CACNA1D: variants seen among roughly 807,000 people sequenced by gnomAD.
CACNA1D encodes the protein calcium voltage-gated channel subunit alpha1 D, also known as voltage-dependent L-type calcium channel subunit alpha-1D.
Under a neutral mutation model 257.1 loss-of-function variants are expected in CACNA1D, and 55 were observed. The observed-to-expected ratio is 0.21, with a 90% confidence interval of 0.17 to 0.27. The LOEUF is 0.27. CACNA1D is among the 10% of genes least tolerant of loss of function. The probability of loss-of-function intolerance (pLI) is 1.00; values close to 1 mark genes in which losing one functional copy is unlikely to be tolerated. For missense variants in CACNA1D, 1,876 were observed against 2,784.0 expected, an observed-to-expected ratio of 0.67 and a Z score of 7.34; for synonymous variants, 980 against 1,014.9, an observed-to-expected ratio of 0.97 and a Z score of 0.65.
chr3:53,572,800 C>A (rs1181277315), intron 3 of CACNA1D, among the ~76,000 whole-genome samples: 1 of 152,194 alleles, frequency 6.6e-6, no homozygotes, highest in Non-Finnish European at 1.5e-5. Flanking sequence ...AGTCTCTTCT[C>A]CACACAGTCT....
intron 29 of CACNA1D, among the ~76,000 whole-genome samples, chr3:53,756,216 GT>G (rs2095264032): frequency 6.6e-6 from 1 of 152,226 alleles, no homozygotes; most frequent in Non-Finnish European, 1.5e-5. Flanking sequence ...GTTAAAGAAA[GT>G]TGAGAAATCT....
At chr3:53,635,839 G>T (rs1231748744) in intron 3 of CACNA1D, among the ~76,000 whole-genome samples, 1 of 152,098 alleles carries the variant, frequency 6.6e-6, no homozygotes, top group Non-Finnish European at 1.5e-5. Flanking sequence ...CGTAGAGATC[G>T]CTGCCTCCCA....
intron 3 of CACNA1D, among the ~76,000 whole-genome samples, chr3:53,520,790 T>C (rs2091524359): frequency 1.3e-5 from 2 of 152,002 alleles, no homozygotes; most frequent in Non-Finnish European, 2.9e-5. Context: ...TATTGGTTTA[T>C]AAGACTTCTT....
chr3:53,720,043 A>G lies in CACNA1D; in HGVS notation c.1505+262A>G, dbSNP rs1218369586. On this transcript the variant is annotated intron_variant, in intron 11 of 47. Coordinates refer to ENST00000350061, the MANE Select transcript of CACNA1D (RefSeq NM_001128840.3). ...ATTAATCCTCCTTATCCTCTGAGTC[A>G]TTTTCCTAAGAGAGCTGCTGCTTGT... 2.0e-5 allele frequency among the ~76,000 whole-genome samples: 3 copies of G among 152,128 alleles called. No individual in the cohort carries two copies. In the East Asian group the frequency reaches 5.8e-4, roughly 29 times the overall value.
intron 26 of CACNA1D, among the ~76,000 whole-genome samples, chr3:53,748,594 T>C (rs917035229): frequency 3.4e-4 from 52 of 152,316 alleles, no homozygotes; most frequent in African/African-American, 1.2e-3. Flanking sequence ...GCTCAACTCC[T>C]GGCTCTGCCC....
At chr3:53,640,140 C>G (rs772478868) in intron 3 of CACNA1D, among the ~76,000 whole-genome samples, 8 of 152,174 alleles carry the variant, frequency 5.3e-5, no homozygotes, top group Admixed American at 2.6e-4. Context: ...GGGTTTACAG[C>G]CGTGAGCCAC....
chr3:53,766,972 A>C (rs2095335867), intron 30 of CACNA1D, among the ~76,000 whole-genome samples: 1 of 152,136 alleles, frequency 6.6e-6, no homozygotes, highest in South Asian at 2.1e-4. Flanking sequence ...TTCCAGCTCC[A>C]CCAGTTCCCT....
At chr3:53,733,974 GTA>G (rs1192459330) in intron 19 of CACNA1D, among the ~76,000 whole-genome samples, 11 of 132,000 alleles carry the variant, frequency 8.3e-5, no homozygotes, top group East Asian at 2.2e-4. Context: ...GTATGTATAT[GTA>G]TATATATATA....
chr3:53,564,111 T>C (rs184392091), intron 3 of CACNA1D, among the ~76,000 whole-genome samples: 1 of 152,324 alleles, frequency 6.6e-6, no homozygotes, highest in East Asian at 1.9e-4. Flanking sequence ...TATAGCCATT[T>C]AGTTTTCCCT....
chr3:53,505,991 A>G (rs957819032), intron 3 of CACNA1D, among the ~76,000 whole-genome samples: 1 of 152,154 alleles, frequency 6.6e-6, no homozygotes, highest in Non-Finnish European at 1.5e-5. Context: ...TTGTATCTGC[A>G]TGGTCACGTA....
In CACNA1D at chr3:53,751,710, T is replaced by C. The variant is rs762884976; in HGVS notation, c.3517-39T>C. ...CCACGGGGTCCTCCTTCCCTGCAAG[T>C]GCTCAGAACCCCGTTTCTGCCCTTT... On this transcript the variant is annotated intron_variant, in intron 27 of 47. Coordinates refer to ENST00000350061, the MANE Select transcript of CACNA1D (RefSeq NM_001128840.3). This position sits in a 1 kb window ranked among gnomAD's most constrained non-coding sequence, Gnocchi z 4.3. The C allele has an allele frequency of 1.9e-6, 3 of 1,611,998 alleles. No individual in the cohort carries two copies. The highest frequency in any genetic ancestry group is 2.2e-5 in the East Asian group (1 of 44,868).
chr3:53,560,611 G>A (rs2092720327), intron 3 of CACNA1D, among the ~76,000 whole-genome samples: 1 of 152,180 alleles, frequency 6.6e-6, no homozygotes, highest in South Asian at 2.1e-4. Flanking sequence ...CATAGTCTCT[G>A]TCATAACTTC....
intron 4 of CACNA1D, among the ~76,000 whole-genome samples, chr3:53,657,028 A>C (rs2094154285): frequency 6.6e-6 from 1 of 152,206 alleles, no homozygotes; most frequent in African/African-American, 2.4e-5. Flanking sequence ...TAGACTTACC[A>C]TATGACCATA....
chr3:53,672,691 T>A (rs375672187), intron 7 of CACNA1D, among the ~76,000 whole-genome samples: 1 of 151,896 alleles, frequency 6.6e-6, no homozygotes, highest in South Asian at 2.1e-4. Flanking sequence ...GAAAAAGCCA[T>A]ATCCCAGCTG....
chr3:53,785,191 T>C (rs1482339381), intron 39 of CACNA1D, among the ~76,000 whole-genome samples: 1 of 152,184 alleles, frequency 6.6e-6, no homozygotes, highest in Non-Finnish European at 1.5e-5. Flanking sequence ...CTGAGTGGTC[T>C]CTGCTCACCT....
chr3:53,802,551 C>G (rs1463506977), intron 43 of CACNA1D, among the ~76,000 whole-genome samples: 1 of 152,240 alleles, frequency 6.6e-6, no homozygotes, highest in African/African-American at 2.4e-5. Flanking sequence ...CAGCATGACC[C>G]AAACCTCCTG....
intron 17 of CACNA1D, among the ~76,000 whole-genome samples, chr3:53,731,700 G>A (rs538420303): frequency 6.6e-6 from 1 of 152,336 alleles, no homozygotes; most frequent in Admixed American, 6.5e-5. Flanking sequence ...TCACAGTCTG[G>A]CAGGAAGACA....
intron 29 of CACNA1D, among the ~76,000 whole-genome samples, chr3:53,758,484 A>G (rs566597825): frequency 7.4e-4 from 113 of 152,178 alleles, no homozygotes; most frequent in Non-Finnish European, 1.3e-3. Context: ...CGCCTGTGCC[A>G]TATCCTGGCA....
intron 3 of CACNA1D, among the ~76,000 whole-genome samples, chr3:53,612,934 T>G (rs1253908662): frequency 1.3e-5 from 2 of 152,228 alleles, no homozygotes; most frequent in African/African-American, 4.8e-5. Flanking sequence ...TTGGTCCATT[T>G]TATTTCATCA....
Sources: gnomAD v4.1 joint callset for allele counts (sites outside exome capture counted in the v4.1 genomes callset) on GRCh38, gnomAD v4.1.1 for gene constraint, Gnocchi (gnomAD v3.1) non-coding constraint, MANE v1.5 for transcripts, NCBI Gene and HGNC (gene_info 2026-07-23, HGNC 2026-07-21) for gene names.